The following HIP1 variants were observed in gnomAD, a reference collection of about 807,000 sequenced individuals.
The protein encoded by HIP1 is huntingtin-interacting protein 1.
In HIP1, 65 loss-of-function variants were observed where a neutral mutation model predicts 147.6. The ratio of observed to expected loss-of-function variants is 0.44; its 90% CI spans 0.36 to 0.54. HIP1 has a LOEUF of 0.54. Ranked by LOEUF, HIP1 falls within the 20% of genes least tolerant of loss-of-function variation. The pLI is 0.00. For synonymous variants in HIP1, 479 were observed against 504.0 expected (o/e 0.95, Z 0.67); for missense variants, 1,061 against 1,299.6 (o/e 0.82, Z 2.82).
intron 7 of HIP1, among the ~76,000 whole-genome samples, chr7:75,575,727 G>A (rs1288398212): frequency 6.6e-6 from 1 of 151,988 alleles, no homozygotes; most frequent in Non-Finnish European, 1.5e-5. Context: ...CACACCACTG[G>A]CCAGGCTGAT....
At chr7:75,712,798 T>G (rs1554520221) in intron 1 of HIP1, among the ~76,000 whole-genome samples, 1 of 152,122 alleles carries the variant, frequency 6.6e-6, no homozygotes, top group African/African-American at 2.4e-5. Context: ...ACTCACTCAT[T>G]CATTCACTCA....
rs587711100 is a variant in HIP1, at chr7:75,540,119, T to C, written c.2953-688A>G. 4.6e-5 allele frequency among the ~76,000 whole-genome samples: 7 copies of C among 152,322 alleles called. No individual in the cohort carries two copies. The East Asian group carries it at 1.3e-3, about 29-fold the overall frequency. ...TACTTCTCATTAATGTAATTTATTT[T>C]ATTTCTTAATTCAAGGAATATTTGC... On this transcript the variant is annotated intron_variant, in intron 29 of 30. Coordinates refer to ENST00000336926, the MANE Select transcript of HIP1 (RefSeq NM_005338.7).
chr7:75,592,234 C>A (rs928940755), intron 3 of HIP1, 122 bp from the exon 4 acceptor site: 1 of 1,376,352 alleles, frequency 7.3e-7, no homozygotes, highest in Non-Finnish European at 1.0e-6. Context: ...GAGGGAGACT[C>A]ACCCAACTCT....
chr7:75,735,937 GT>G (rs1802006016), intron 1 of HIP1, among the ~76,000 whole-genome samples: 1 of 151,774 alleles, frequency 6.6e-6, no homozygotes, highest in African/African-American at 2.4e-5. Flanking sequence ...CCCCTAAAGA[GT>G]TTCAACACCA....
intron 1 of HIP1, among the ~76,000 whole-genome samples, chr7:75,659,563 C>T (rs1278898862): frequency 1.3e-5 from 2 of 151,838 alleles, no homozygotes; most frequent in East Asian, 1.9e-4. Flanking sequence ...GCAGGAGAAT[C>T]GCTTGAGCCT....
At chr7:75,578,258 A>T (rs1435398596) in intron 7 of HIP1, among the ~76,000 whole-genome samples, 4 of 152,222 alleles carry the variant, frequency 2.6e-5, no homozygotes, top group Non-Finnish European at 4.4e-5. Context: ...CGGCTCCAAG[A>T]AGAGGTGAGA....
At chr7:75,572,224 A>AG (rs1350491154) in intron 8 of HIP1, among the ~76,000 whole-genome samples, 3 of 137,380 alleles carry the variant, frequency 2.2e-5, no homozygotes, top group African/African-American at 2.9e-5. Context: ...ACTCTGTCTC[A>AG]GAAAAAAAAA....
chr7:75,664,265 TATAC>T lies in HIP1; in HGVS notation c.121-65022_121-65019del, dbSNP rs1318145830. On this transcript the variant is annotated intron_variant, in intron 1 of 30. Coordinates refer to ENST00000336926, the MANE Select transcript of HIP1 (RefSeq NM_005338.7). ...CACATACTATATACACACATATATG[TATAC>T]ATACATATATACACACATATATGTA... Among the ~76,000 whole-genome samples, 1,394 of 145,186 alleles carry T rather than the reference TATAC, an allele frequency of 9.6e-3. 29 individuals are homozygous for T. The highest frequency in any genetic ancestry group is 0.033 in the African/African-American group (1,329 of 40,242).
intron 22 of HIP1, among the ~76,000 whole-genome samples, chr7:75,551,215 T>TTTTTTTTGG (rs1794770851): frequency 7.5e-6 from 1 of 134,202 alleles, no homozygotes; most frequent in African/African-American, 2.8e-5. Context: ...TTTTTTTTTT[T>TTTTTTTTGG]GAGGCAGTGT....
At chr7:75,731,493 A>AAC (rs1368192185) in intron 1 of HIP1, among the ~76,000 whole-genome samples, 35 of 151,670 alleles carry the variant, frequency 2.3e-4, no homozygotes, top group African/African-American at 8.2e-4. Flanking sequence ...AAAAAAAAAA[A>AAC]AAAAAACGCC....
intron 1 of HIP1, among the ~76,000 whole-genome samples, chr7:75,693,030 T>C (rs1451641242): frequency 6.6e-6 from 1 of 151,852 alleles, no homozygotes; most frequent in Non-Finnish European, 1.5e-5. Context: ...CCAGGCGTGG[T>C]GCTACGCGCC....
intron 1 of HIP1, among the ~76,000 whole-genome samples, chr7:75,738,227 G>C (rs536386301): frequency 2.6e-5 from 4 of 151,732 alleles, no homozygotes; most frequent in African/African-American, 7.3e-5. Flanking sequence ...CCTTTTCCCT[G>C]CTCCGACCCC....
Position 75,556,697 on chromosome 7 carries a change from A to AG in HIP1, c.1683+12dup, listed in dbSNP as rs2116817292. Reference sequence around the variant, plus strand: ...GAAGACTCTATCTCCAAAAAAAAAAAGGAGGTATTTACCTGGGCAGAAGTT... The same window carrying AG: ...GAAGACTCTATCTCCAAAAAAAAAAAGGGAGGTATTTACCTGGGCAGAAGTT... On this transcript the variant is annotated intron_variant, in intron 17 of 30. Coordinates refer to ENST00000336926, the MANE Select transcript of HIP1 (RefSeq NM_005338.7). 3 of 1,515,002 alleles carry AG rather than the reference A, an allele frequency of 2.0e-6. No homozygotes were observed. Among genetic ancestry groups the AG allele is most frequent in the East Asian group, 2.3e-5 (1 of 44,316 alleles). The allele number at this position is 1,515,002 out of a possible 1,614,324, so 93.8% of individuals were successfully genotyped here.
In HIP1 at chr7:75,554,103, C is replaced by T. The variant is rs782221059; in HGVS notation, c.2158+10G>A. On this transcript the variant is annotated intron_variant, in intron 21 of 30. Transcript: ENST00000336926. ...GGTCCATGAACAGCCCCTCATGCCC[C>T]GGTACTCACAGTCGGCAGGCTCAGG... 5.0e-5 allele frequency: 81 copies of T among 1,607,282 alleles called. No homozygotes were observed. In the East Asian group the frequency reaches 8.2e-4, roughly 16 times the overall value.
chr7:75,593,767 C>G (rs942803127), intron 2 of HIP1, among the ~76,000 whole-genome samples: 1 of 152,040 alleles, frequency 6.6e-6, no homozygotes, highest in Admixed American at 6.6e-5. Context: ...ATTTAGCCAG[C>G]CTTTTGCTTG....
rs1249242219 is a variant in HIP1, at chr7:75,592,377, G to C, written c.322C>G (p.Pro108Ala). ...VFHKLLRDGH[P>A]NVLKDSLRYR... ...CCATAGCCCCAGGAACTCACGTTCGGGTGTCCATCTCGGAGGAGTTTGTGG... is the reference window on the plus strand; with the variant it reads ...CCATAGCCCCAGGAACTCACGTTCGCGTGTCCATCTCGGAGGAGTTTGTGG... The change falls in exon 3 of 31, where the codon CCG becomes GCG. Residue 108 changes from proline to alanine, a missense_variant. Pro to Ala is a conservative substitution (Grantham distance 27). Transcript: ENST00000336926. 1 of 1,605,242 alleles carries C rather than the reference G, an allele frequency of 6.2e-7. No homozygotes were observed. Among genetic ancestry groups the C allele is most frequent in the Non-Finnish European group, 8.5e-7 (1 of 1,177,088 alleles).
At chr7:75,653,231 T>C (rs1288432026) in intron 1 of HIP1, among the ~76,000 whole-genome samples, 3 of 152,212 alleles carry the variant, frequency 2.0e-5, no homozygotes, top group African/African-American at 7.2e-5. Context: ...GGGAATCTCA[T>C]TGGCAATGAA....
Position 75,548,856 on chromosome 7 carries a change from G to A in HIP1, c.2406+35C>T, listed in dbSNP as rs1794669895. 6 of 1,435,232 alleles carry A rather than the reference G, an allele frequency of 4.2e-6. No individual in the cohort carries two copies. The East Asian group carries it at 1.4e-4, about 33-fold the overall frequency. 88.9% of individuals were successfully genotyped at this position (1,435,232 alleles called of 1,614,324 possible). ...GTGTTGCAGAAGGGCAGCTGCAAAG[G>A]CATCGTTTCAGGAGATCCTGCAGGA... On this transcript the variant is annotated intron_variant, in intron 23 of 30. Transcript: ENST00000336926.
intron 1 of HIP1, among the ~76,000 whole-genome samples, chr7:75,612,093 G>A (rs1453771786): frequency 1.3e-5 from 2 of 152,256 alleles, no homozygotes; most frequent in Non-Finnish European, 2.9e-5. Context: ...GGCTCACAAA[G>A]GTCCCACGGC....
Sources: allele counts gnomAD v4.1 joint callset (sites outside exome capture counted in the v4.1 genomes callset), GRCh38; gene constraint gnomAD v4.1.1; transcripts MANE v1.5; gene names NCBI Gene and HGNC (gene_info 2026-07-23, HGNC 2026-07-21).